Variants in ATG4C observed in about 807,000 individuals in gnomAD.
ATG4C encodes autophagy related 4C cysteine peptidase.
In ATG4C, 56 loss-of-function variants were observed where a neutral mutation model predicts 57.6. That is an observed-to-expected ratio of 0.97 (90% CI 0.78 to 1.21). The LOEUF is 1.21. Among genes scored for constraint, ATG4C ranks in the 50% most tolerant of loss-of-function variants. The probability of loss-of-function intolerance (pLI) is 0.00; values close to 1 mark genes in which losing one functional copy is unlikely to be tolerated. For synonymous variants in ATG4C, 157 were observed against 174.1 expected, an observed-to-expected ratio of 0.90 and a Z score of 0.78; for missense variants, 595 against 529.8, an observed-to-expected ratio of 1.12 and a Z score of -1.21.
chr1:62,801,958 C>CAAAAAAA (rs60298362), intron 1 of ATG4C, among the ~76,000 whole-genome samples: 81 of 51,892 alleles, frequency 1.6e-3, no homozygotes, highest in Non-Finnish European at 1.6e-3. Context: ...ACTCTGTCTC[C>CAAAAAAA]AAAAAAAAAA....
At chr1:62,814,381 T>G (rs925624487) in intron 3 of ATG4C, among the ~76,000 whole-genome samples, 4 of 151,846 alleles carry the variant, frequency 2.6e-5, no homozygotes, top group Non-Finnish European at 5.9e-5. Flanking sequence ...CACTCATAAG[T>G]GGGAGTTGAA....
chr1:62,813,347 G>A (rs1665152164), intron 3 of ATG4C, among the ~76,000 whole-genome samples: 1 of 152,106 alleles, frequency 6.6e-6, no homozygotes, highest in South Asian at 2.1e-4. Flanking sequence ...CAAGAAATGG[G>A]GAATGGATTC....
chr1:62,855,348 C>A (rs1666651000), intron 10 of ATG4C, among the ~76,000 whole-genome samples: 2 of 151,902 alleles, frequency 1.3e-5, no homozygotes, highest in South Asian at 4.2e-4. Context: ...ATCTCATACC[C>A]CCTTTTATTC....
chr1:62,840,469 T>C (rs973428050), intron 9 of ATG4C, among the ~76,000 whole-genome samples: 1 of 152,238 alleles, frequency 6.6e-6, no homozygotes, highest in African/African-American at 2.4e-5. Context: ...TACAGTCTTA[T>C]GTTCTTTTTA....
chr1:62,829,920 T>G (rs1019288893), intron 7 of ATG4C, among the ~76,000 whole-genome samples: 1 of 152,148 alleles, frequency 6.6e-6, no homozygotes, highest in East Asian at 1.9e-4. Context: ...CTTCTTTAAA[T>G]GGAGTGTTAT....
chr1:62,804,383 C>T (rs59853975), intron 2 of ATG4C, among the ~76,000 whole-genome samples: 4,365 of 152,090 alleles, frequency 0.029, 220 homozygotes, highest in African/African-American at 0.1. Flanking sequence ...AGCCACTGGG[C>T]CTGGCCTTTT....
intron 4 of ATG4C, 42 bp from the exon 5 acceptor site, chr1:62,818,963 C>T (rs371215142): frequency 4.0e-5 from 55 of 1,373,510 alleles, no homozygotes; most frequent in Non-Finnish European, 5.1e-5. Context: ...GTTAAAGTAT[C>T]TATTTAAAAG....
intron 10 of ATG4C, among the ~76,000 whole-genome samples, chr1:62,848,760 A>G (rs1170371085): frequency 6.6e-6 from 1 of 152,186 alleles, no homozygotes; most frequent in Non-Finnish European, 1.5e-5. Flanking sequence ...ATCCCCAAGA[A>G]ACTATTCAGG....
intron 10 of ATG4C, among the ~76,000 whole-genome samples, chr1:62,859,546 G>A (rs1008971911): frequency 6.6e-6 from 1 of 152,074 alleles, no homozygotes; most frequent in African/African-American, 2.4e-5. Context: ...AGGTTGCTCT[G>A]GGTGAATTAG....
chr1:62,859,272 G>GA (rs1666775090), intron 10 of ATG4C, among the ~76,000 whole-genome samples: 1 of 151,988 alleles, frequency 6.6e-6, no homozygotes, highest in Non-Finnish European at 1.5e-5. Flanking sequence ...TTCAAAATCT[G>GA]AAAAAAATCC....
At chr1:62,793,618 A>C (rs111841953) in intron 1 of ATG4C, among the ~76,000 whole-genome samples, 6,551 of 103,816 alleles carry the variant, frequency 0.063, 1,245 homozygotes, top group African/African-American at 0.2. Context: ...AAAAAAAAAA[A>C]AACCAAAAAA....
chr1:62,805,309 A>G, intron 3 of ATG4C, 54 bp downstream of exon 3: 1 of 1,438,986 alleles, frequency 6.9e-7, no homozygotes. Context: ...TCATCATGTA[A>G]CTTTTTATTA....
chr1:62,785,240 G>C (rs1664045610), intron 1 of ATG4C: 1 of 152,160 alleles, frequency 6.6e-6, no homozygotes, highest in Non-Finnish European at 1.5e-5. Flanking sequence ...ATACCCAGAG[G>C]GAGTGGAAAG....
chr1:62,849,187 A>G (rs1666418534), intron 10 of ATG4C, among the ~76,000 whole-genome samples: 1 of 152,134 alleles, frequency 6.6e-6, no homozygotes, highest in African/African-American at 2.4e-5. Context: ...TGTCTTCAAC[A>G]TACCCAGTTG....
chr1:62,792,783 GTTTTAAAGGAGATC>G (rs1433102135), intron 1 of ATG4C, among the ~76,000 whole-genome samples: 1 of 152,042 alleles, frequency 6.6e-6, no homozygotes, highest in African/African-American at 2.4e-5. Context: ...TGGCAAGGAT[GTTTTAAAGGAGATC>G]TTTTTACTGT....
At chr1:62,860,648 C>A (rs1217259925) in intron 10 of ATG4C, among the ~76,000 whole-genome samples, 1 of 152,218 alleles carries the variant, frequency 6.6e-6, no homozygotes, top group East Asian at 1.9e-4. Context: ...GTTACATCCA[C>A]AAGATTATGC....
At chr1:62,792,075 G>A (rs1664293306) in intron 1 of ATG4C, among the ~76,000 whole-genome samples, 1 of 151,950 alleles carries the variant, frequency 6.6e-6, no homozygotes, top group Non-Finnish European at 1.5e-5. Flanking sequence ...TCGGCTCACT[G>A]CAACCTCTGC....
rs1664769552 is a variant in ATG4C, at chr1:62,803,965, A to G, written c.76+103A>G. On this transcript the variant is annotated intron_variant, in intron 2 of 10. Coordinates refer to ENST00000317868, the MANE Select transcript of ATG4C (RefSeq NM_032852.4). ...TGACAATTTCTTGAGAATAAATGGC[A>G]TACTTTACTTTGAATGAAATATTTC... 3 of 622,024 alleles carry G rather than the reference A, an allele frequency of 4.8e-6. No homozygotes were observed. The Admixed American group carries it at 1.0e-4, about 22-fold the overall frequency. The allele number at this position is 622,024 out of a possible 1,614,324, so 38.5% of individuals were successfully genotyped here. A position where few individuals can be genotyped will look rare whatever the true frequency, so the allele number is the denominator to read the frequency against.
intron 3 of ATG4C, among the ~76,000 whole-genome samples, chr1:62,810,038 CG>C (rs869123148): frequency 1.6e-5 from 2 of 121,898 alleles, no homozygotes; most frequent in African/African-American, 2.9e-5. Flanking sequence ...GTTTAACTTA[CG>C]ACCCAACATT....
Sources: gnomAD v4.1 joint callset for allele counts (sites outside exome capture counted in the v4.1 genomes callset) on GRCh38, gnomAD v4.1.1 for gene constraint, MANE v1.5 for transcripts, NCBI Gene and HGNC (gene_info 2026-07-23, HGNC 2026-07-21) for gene names.